Variants in DRICH1 observed in about 807,000 individuals in gnomAD.
DRICH1 encodes the protein aspartate rich 1.
A neutral mutation model predicts 39.5 loss-of-function variants in DRICH1; 38 were observed. The ratio of observed to expected loss-of-function variants is 0.96; its 90% CI spans 0.74 to 1.26. The LOEUF (loss-of-function observed/expected upper bound fraction) is 1.26. Ranked by LOEUF, DRICH1 falls within the 50% of genes most tolerant of loss-of-function variation. DRICH1 has a pLI of 0.00. For synonymous variants in DRICH1, 84 were observed against 99.5 expected (o/e 0.84, Z 0.93); for missense variants, 279 against 270.4 (o/e 1.03, Z -0.22).
At chr22:23,612,163 A>G (rs906849797) in intron 11 of DRICH1, among the ~76,000 whole-genome samples, 3 of 152,174 alleles carry the variant, frequency 2.0e-5, no homozygotes, top group African/African-American at 7.2e-5. Context: ...AGATAGCCAC[A>G]ATTACATTAA....
chr22:23,601,579 T>G, the DRICH1 span, among the ~76,000 whole-genome samples: 1 of 151,996 alleles, frequency 6.6e-6, no homozygotes, highest in Non-Finnish European at 1.5e-5. Flanking sequence ...GGGAAGTGAG[T>G]GTTCCTGTGA....
intron 8 of DRICH1, among the ~76,000 whole-genome samples, chr22:23,614,913 A>C (rs867022879): frequency 6.7e-4 from 102 of 152,338 alleles, no homozygotes; most frequent in African/African-American, 2.2e-3. Flanking sequence ...ATACCAGTGA[A>C]GCTGAGAGAC....
At position 23,622,077 on chromosome 22, in the gene DRICH1, A is replaced by G. The variant is rs1927772547; in HGVS notation, c.384+14T>C. On this transcript the variant is annotated intron_variant, in intron 4 of 11. Transcript: ENST00000317749. Reference sequence around the variant, plus strand: ...ACCAACATTTCCTTAGAAGACAAAGAAAGATTGTCTTACCTGGGCATCATC... The same window carrying G: ...ACCAACATTTCCTTAGAAGACAAAGGAAGATTGTCTTACCTGGGCATCATC... The G allele has an allele frequency of 8.7e-6, 14 of 1,610,838 alleles. No individual in the cohort carries two copies. The highest frequency in any genetic ancestry group is 1.2e-5 in the Non-Finnish European group (14 of 1,177,284).
At chr22:23,617,503 T>C in intron 7 of DRICH1, 72 bp downstream of exon 7, 1 of 1,536,628 alleles carries the variant, frequency 6.5e-7, no homozygotes, top group African/African-American at 1.4e-5. Context: ...TTCTTTGGGA[T>C]TGGATTGGTG....
At chr22:23,605,515 T>C (rs968026029), downstream of DRICH1, among the ~76,000 whole-genome samples, 1 of 151,712 alleles carries the variant, frequency 6.6e-6, no homozygotes. Flanking sequence ...GGCACATACA[T>C]AGTGGGAGGA....
At chr22:23,589,844 G>T in the DRICH1 span, among the ~76,000 whole-genome samples, 1 of 152,082 alleles carries the variant, frequency 6.6e-6, no homozygotes, top group African/African-American at 2.4e-5. Flanking sequence ...GGCCATTCAC[G>T]CTCCTGCCTG....
Position 23,632,097 on chromosome 22 carries a change from A to G in DRICH1, c.-74T>C. ...GTAACTGTGCTGCCCTAGCAGCCACACTACTGAGGGTGGCCCTGCACTTTT... is the reference window on the plus strand; with the variant it reads ...GTAACTGTGCTGCCCTAGCAGCCACGCTACTGAGGGTGGCCCTGCACTTTT... On this transcript the variant is annotated 5_prime_UTR_variant, in exon 1 of 12. Transcript: ENST00000317749. 2 of 1,591,800 alleles carry G rather than the reference A, an allele frequency of 1.3e-6. No homozygotes were observed. Among genetic ancestry groups the G allele is most frequent in the Admixed American group, 1.8e-5 (1 of 56,580 alleles).
chr22:23,581,949 T>A, the DRICH1 span, among the ~76,000 whole-genome samples: 1 of 151,484 alleles, frequency 6.6e-6, no homozygotes, highest in East Asian at 2.0e-4. Flanking sequence ...ATTAACTACA[T>A]TCACAATGTC....
At chr22:23,609,523 C>T (rs1926918333) in intron 11 of DRICH1, among the ~76,000 whole-genome samples, 1 of 152,158 alleles carries the variant, frequency 6.6e-6, no homozygotes, top group Non-Finnish European at 1.5e-5. Context: ...GCTGCTCCCT[C>T]ACTCCACAGC....
chr22:23,600,648 C>G, the DRICH1 span, among the ~76,000 whole-genome samples: 1 of 151,778 alleles, frequency 6.6e-6, no homozygotes, highest in African/African-American at 2.4e-5. Context: ...CTAGCCTCCC[C>G]TCTAAAAACG....
intron 7 of DRICH1, 55 bp downstream of exon 7, chr22:23,617,520 T>C (rs1927431044): frequency 1.9e-6 from 3 of 1,590,876 alleles, no homozygotes; most frequent in African/African-American, 2.7e-5. Flanking sequence ...GGTGAGTTTG[T>C]TTCTCACATC....
chr22:23,627,432 T>C (rs189003740), intron 1 of DRICH1, among the ~76,000 whole-genome samples: 2 of 152,296 alleles, frequency 1.3e-5, no homozygotes, highest in East Asian at 3.9e-4. Context: ...CAGATATGAC[T>C]GAGAACCTCA....
At chr22:23,589,452 A>T in the DRICH1 span, among the ~76,000 whole-genome samples, 54 of 151,350 alleles carry the variant, frequency 3.6e-4, no homozygotes, top group East Asian at 7.0e-3. Context: ...CTGTCTCATT[A>T]AAAAAAACCC....
chr22:23,588,341 G>C, the DRICH1 span, among the ~76,000 whole-genome samples: 4 of 152,176 alleles, frequency 2.6e-5, no homozygotes, highest in African/African-American at 9.7e-5. Flanking sequence ...GGCCAGGCTG[G>C]TCTTGAACTC....
At chr22:23,621,420 T>TA (rs112503416) in intron 4 of DRICH1, among the ~76,000 whole-genome samples, 37 of 144,142 alleles carry the variant, frequency 2.6e-4, no homozygotes, top group South Asian at 4.4e-4. Context: ...AAGACAACCA[T>TA]AAAAAAAAAA....
At chr22:23,609,950 T>C (rs995746593) in intron 11 of DRICH1, among the ~76,000 whole-genome samples, 2 of 152,162 alleles carry the variant, frequency 1.3e-5, no homozygotes, top group African/African-American at 4.8e-5. Flanking sequence ...TCCTCCTATG[T>C]GGGGCTGCTT....
chr22:23,587,141 G>T, the DRICH1 span, among the ~76,000 whole-genome samples: 46 of 152,246 alleles, frequency 3.0e-4, no homozygotes, highest in African/African-American at 1.1e-3. Context: ...GGATTTCTAG[G>T]CCTTTTCTGT....
the DRICH1 span, among the ~76,000 whole-genome samples, chr22:23,589,156 A>C: frequency 6.6e-6 from 1 of 151,942 alleles, no homozygotes; most frequent in African/African-American, 2.4e-5. Flanking sequence ...CTTAGATATC[A>C]AAATAGGTTA....
chr22:23,595,699 G>A, the DRICH1 span, among the ~76,000 whole-genome samples: 1 of 152,226 alleles, frequency 6.6e-6, no homozygotes, highest in South Asian at 2.1e-4. Flanking sequence ...TGCCCCTGAG[G>A]AGATAGGAAA....
Sources: gnomAD v4.1 joint callset for allele counts (sites outside exome capture counted in the v4.1 genomes callset) on GRCh38, gnomAD v4.1.1 for gene constraint, MANE v1.5 for transcripts, NCBI Gene and HGNC (gene_info 2026-07-23, HGNC 2026-07-21) for gene names.